EEPD1: variants seen among roughly 807,000 people sequenced by gnomAD.
The protein encoded by EEPD1 is endonuclease/exonuclease/phosphatase family domain containing 1, also known as endonuclease/exonuclease/phosphatase family domain-containing protein 1.
EEPD1 carries 17 observed loss-of-function variants against 46.3 expected under a neutral mutation model. The ratio of observed to expected loss-of-function variants is 0.37; its 90% CI spans 0.25 to 0.55. The LOEUF is 0.55. Ranked by LOEUF, EEPD1 falls within the 20% of genes least tolerant of loss-of-function variation. The pLI is 0.83. For missense variants in EEPD1, 673 were observed against 745.6 expected (o/e 0.90, Z 1.13); for synonymous variants, 313 against 315.6 (o/e 0.99, Z 0.09).
chr7:36,197,423 C>G (rs1378302367), intron 2 of EEPD1, among the ~76,000 whole-genome samples: 2 of 152,334 alleles, frequency 1.3e-5, no homozygotes, highest in East Asian at 3.9e-4. Context: ...TACCCAACAG[C>G]TCATTGAGAA....
Position 36,154,529 on chromosome 7 carries a change from G to C in EEPD1, c.205G>C (p.Glu69Gln). The C allele has an allele frequency of 6.2e-7, 1 of 1,614,176 alleles. No individual in the cohort carries two copies. Among genetic ancestry groups the C allele is most frequent in the Non-Finnish European group, 8.5e-7 (1 of 1,180,028 alleles). The change falls in exon 2 of 8, where the codon GAG becomes CAG. Residue 69 changes from glutamate to glutamine, a missense_variant. Coordinates refer to ENST00000242108, the MANE Select transcript of EEPD1 (RefSeq NM_030636.3). This position sits in a 1 kb window ranked among gnomAD's most constrained non-coding sequence, Gnocchi z 4.2. ...GGCACGCAGCATCGTGGAGTACCGA[G>C]AGTATATCGGTGGCTTCAAGAAGGT... Reference protein sequence around the residue: ...AVARSIVEYREYIGGFKKVED... With the variant: ...AVARSIVEYRQYIGGFKKVED...
In EEPD1 at chr7:36,299,631, T is replaced by G; in HGVS notation, c.*425T>G. The G allele has an allele frequency of 5.3e-6, 1 of 189,300 alleles. No individual in the cohort carries two copies. Among genetic ancestry groups the G allele is most frequent in the Non-Finnish European group, 1.1e-5 (1 of 90,786 alleles). 11.7% of individuals were successfully genotyped at this position (189,300 alleles called of 1,614,324 possible). A position where few individuals can be genotyped will look rare whatever the true frequency, so the allele number is the denominator to read the frequency against. On this transcript the variant is annotated 3_prime_UTR_variant, in exon 8 of 8. Transcript: ENST00000242108. Reference sequence around the variant, plus strand: ...AGGCTATGACGTTCCTGCTGCGCATTACAGAAAGCTTTTAACTGTGATCAG... The same window carrying G: ...AGGCTATGACGTTCCTGCTGCGCATGACAGAAAGCTTTTAACTGTGATCAG...
At chr7:36,156,530 G>T (rs1882058) in intron 2 of EEPD1, among the ~76,000 whole-genome samples, 7 of 151,942 alleles carry the variant, frequency 4.6e-5, no homozygotes, top group Non-Finnish European at 1.0e-4. Context: ...CAGCATGGGC[G>T]TGTGAATGGG....
intron 2 of EEPD1, among the ~76,000 whole-genome samples, chr7:36,196,573 G>A (rs921280267): frequency 1.2e-4 from 18 of 152,220 alleles, no homozygotes; most frequent in Admixed American, 1.1e-3. Context: ...CGCCACGCCT[G>A]ACTGGTTTTC....
intron 3 of EEPD1, among the ~76,000 whole-genome samples, chr7:36,268,066 G>A (rs983330594): frequency 1.3e-5 from 2 of 152,194 alleles, no homozygotes; most frequent in Non-Finnish European, 2.9e-5. Context: ...GAGCCACCCA[G>A]TCTGTGGTAT....
In EEPD1 at chr7:36,160,686, G is replaced by T. The variant is rs866145356; in HGVS notation, c.878+5484G>T. 2.9e-3 allele frequency among the ~76,000 whole-genome samples: 438 copies of T among 149,478 alleles called. 15 individuals are homozygous for T. The highest frequency in any genetic ancestry group is 9.9e-3 in the African/African-American group (405 of 41,004). ...ACTGCTGGGAGGTGGTGGGGGGCGG[G>T]GCGTGCATGGAGAGGGTCCTGGGAG... On this transcript the variant is annotated intron_variant, in intron 2 of 7. Transcript: ENST00000242108.
intron 3 of EEPD1, among the ~76,000 whole-genome samples, chr7:36,272,380 G>A (rs1787122272): frequency 2.0e-5 from 3 of 152,290 alleles, no homozygotes; most frequent in South Asian, 4.1e-4. Flanking sequence ...TCCCTAAGGA[G>A]TGTGTTTGCA....
intron 2 of EEPD1, among the ~76,000 whole-genome samples, chr7:36,197,426 A>T (rs1785624478): frequency 6.6e-6 from 1 of 152,224 alleles, no homozygotes; most frequent in African/African-American, 2.4e-5. Context: ...CCAACAGCTC[A>T]TTGAGAACGG....
At chr7:36,288,064 C>T (rs1787368936) in intron 6 of EEPD1, among the ~76,000 whole-genome samples, 1 of 152,130 alleles carries the variant, frequency 6.6e-6, no homozygotes, top group African/African-American at 2.4e-5. Context: ...TGATGATGCC[C>T]TTCCCCGAAG....
chr7:36,284,064 G>A (rs184250761), intron 4 of EEPD1, among the ~76,000 whole-genome samples: 1 of 152,158 alleles, frequency 6.6e-6, no homozygotes, highest in South Asian at 2.1e-4. Flanking sequence ...CTGCCCCACC[G>A]CCAGCCCTGG....
Position 36,281,131 on chromosome 7 carries a change from A to T in EEPD1, c.947A>T (p.Asn316Ile), listed in dbSNP as rs770099998. Residue 316 changes from asparagine to isoleucine, a missense_variant, in exon 4 of 8, where the codon AAC (asparagine) becomes ATC (isoleucine). By Grantham distance (149) the Asn-to-Ile change is moderately radical (BLOSUM62 -3). Coordinates refer to ENST00000242108, the MANE Select transcript of EEPD1 (RefSeq NM_030636.3). ...EALEKFCTEL[N>I]QPTLPNIRKW... ...TCTTTGCAGTTCTGCACGGAGCTAA[A>T]CCAGCCGACCCTGCCCAACATCCGC... 6.2e-7 allele frequency: 1 copy of T among 1,613,922 alleles called. No individual in the cohort carries two copies. The highest frequency in any genetic ancestry group is 8.5e-7 in the Non-Finnish European group (1 of 1,179,994).
chr7:36,232,720 G>C (rs1786356800), intron 2 of EEPD1, among the ~76,000 whole-genome samples: 1 of 150,760 alleles, frequency 6.6e-6, no homozygotes, highest in African/African-American at 2.5e-5. Flanking sequence ...TTCTGTGGAG[G>C]CTGGGGGGTT....
intron 2 of EEPD1, among the ~76,000 whole-genome samples, chr7:36,237,370 C>G (rs529593918): frequency 1.3e-5 from 2 of 152,230 alleles, no homozygotes; most frequent in Non-Finnish European, 1.5e-5. Context: ...CTCCTGAGCT[C>G]AAGCAGTCCT....
chr7:36,251,944 T>C (rs1786745159), intron 3 of EEPD1, among the ~76,000 whole-genome samples: 1 of 152,222 alleles, frequency 6.6e-6, no homozygotes, highest in Non-Finnish European at 1.5e-5. Flanking sequence ...TTGCAGCCAC[T>C]TAGACGCAGT....
chr7:36,288,237 A>G (rs184138430), intron 6 of EEPD1, among the ~76,000 whole-genome samples: 1 of 152,286 alleles, frequency 6.6e-6, no homozygotes, highest in Admixed American at 6.5e-5. Flanking sequence ...GATACAGAGC[A>G]TGTTGAAGAA....
chr7:36,219,802 A>AGTGTGTGTGTGTGTGTGT (rs1404686805), intron 2 of EEPD1, among the ~76,000 whole-genome samples: 3 of 67,254 alleles, frequency 4.5e-5, no homozygotes, highest in Non-Finnish European at 3.4e-5. Context: ...AGAGAGAGAG[A>AGTGTGTGTGTGTGTGTGT]GAGAGTGTGT....
chr7:36,295,621 T>A (rs920059330), intron 6 of EEPD1, among the ~76,000 whole-genome samples: 5 of 152,202 alleles, frequency 3.3e-5, no homozygotes, highest in Admixed American at 1.3e-4. Context: ...GAGAGGAATT[T>A]CCTTAGGTTG....
intron 2 of EEPD1, among the ~76,000 whole-genome samples, chr7:36,168,612 G>A (rs1785027626): frequency 6.6e-6 from 1 of 152,020 alleles, no homozygotes; most frequent in South Asian, 2.1e-4. Flanking sequence ...AACAAAATTA[G>A]CTGGGCATAG....
chr7:36,174,531 T>C (rs1785145898), intron 2 of EEPD1, among the ~76,000 whole-genome samples: 1 of 152,238 alleles, frequency 6.6e-6, no homozygotes, highest in Admixed American at 6.5e-5. Flanking sequence ...CTACCCATGT[T>C]ACACAGGCCC....
Sources: allele counts gnomAD v4.1 joint callset (sites outside exome capture counted in the v4.1 genomes callset), GRCh38; gene constraint gnomAD v4.1.1; non-coding constraint Gnocchi (gnomAD v3.1); transcripts MANE v1.5; gene names NCBI Gene and HGNC (gene_info 2026-07-23, HGNC 2026-07-21).